The following B4GALT1 variants were observed in gnomAD, a reference collection of about 807,000 sequenced individuals.
B4GALT1 encodes beta-1,4-galactosyltransferase 1.
Under a neutral mutation model 34.9 loss-of-function variants are expected in B4GALT1, and 16 were observed. The observed-to-expected ratio is 0.46, with a 90% CI of 0.31 to 0.70. The LOEUF (loss-of-function observed/expected upper bound fraction) is 0.70. B4GALT1 is among the 30% of genes least tolerant of loss of function. The pLI, the probability that B4GALT1 is intolerant of heterozygous loss-of-function variation, is 0.05. For synonymous variants in B4GALT1, 221 were observed against 218.1 expected (o/e 1.01, Z -0.12); for missense variants, 445 against 530.5 (o/e 0.84, Z 1.58).
At position 33,120,416 on chromosome 9, in the gene B4GALT1, T is replaced by C. The variant is rs764598724; in HGVS notation, c.836+3A>G. ...CCACAGATTCTGACTGAGTATCTCT[T>C]ACCTGAATCCAAACTTATCCATTGC... On this transcript the variant is annotated splice_donor_region_variant and intron_variant, in intron 3 of 5. Coordinates refer to ENST00000379731, the MANE Select transcript of B4GALT1 (RefSeq NM_001497.4). 1 of 1,612,716 alleles carries C rather than the reference T, an allele frequency of 6.2e-7. No individual in the cohort carries two copies.
At chr9:33,107,310 G>A (rs1049243190), downstream of B4GALT1, among the ~76,000 whole-genome samples, 16 of 152,170 alleles carry the variant, frequency 1.1e-4, no homozygotes, top group Non-Finnish European at 1.3e-4. Context: ...CCAGCCCTTA[G>A]GAATGTCTGA....
intron 1 of B4GALT1, among the ~76,000 whole-genome samples, chr9:33,135,890 A>AGTGTGTGTGT (rs112875696): frequency 0.011 from 1,098 of 104,110 alleles, 22 homozygotes; most frequent in African/African-American, 0.013. Context: ...TAACTGGGGA[A>AGTGTGTGTGT]GTGTGTGTGT....
chr9:33,112,299 G>A lies in B4GALT1; in HGVS notation c.*1155C>T, dbSNP rs180823182. ...CTAGGGGCCTGAGGGGTCAGTCTAA[G>A]GAGGCTGAGGCTCCCTCCGCCCTGC... is the stretch of plus-strand genomic sequence containing the variant. On this transcript the variant is annotated 3_prime_UTR_variant, in exon 6 of 6. Coordinates refer to ENST00000379731, the MANE Select transcript of B4GALT1 (RefSeq NM_001497.4). 1 of 152,458 alleles carries A rather than the reference G, an allele frequency of 6.6e-6. No homozygotes were observed. The highest frequency in any genetic ancestry group is 1.5e-5 in the Non-Finnish European group (1 of 68,140). 9.4% of individuals were successfully genotyped at this position (152,458 alleles called of 1,614,324 possible).
At chr9:33,131,317 G>A (rs942019570) in intron 2 of B4GALT1, among the ~76,000 whole-genome samples, 2 of 152,226 alleles carry the variant, frequency 1.3e-5, no homozygotes, top group African/African-American at 4.8e-5. Flanking sequence ...TGGAGCAGAA[G>A]TTTCTACATT....
rs192081475 is a variant in B4GALT1, at chr9:33,146,963, A to G, written c.413-11539T>C. ...TGATCCACCCGCCTCAGCCTCCCAAAGTGCTGGGATTACAGGCGAGAGCCA... is the reference window on the plus strand; with the variant it reads ...TGATCCACCCGCCTCAGCCTCCCAAGGTGCTGGGATTACAGGCGAGAGCCA... On this transcript the variant is annotated intron_variant, in intron 1 of 5. Coordinates refer to ENST00000379731, the MANE Select transcript of B4GALT1 (RefSeq NM_001497.4). Among the ~76,000 whole-genome samples, 307 of 151,818 alleles carry G rather than the reference A, an allele frequency of 2.0e-3. 3 individuals are homozygous for G. The highest frequency in any genetic ancestry group is 3.5e-3 in the Middle Eastern group (1 of 288).
At chr9:33,128,765 C>T (rs568270074) in intron 2 of B4GALT1, among the ~76,000 whole-genome samples, 69 of 152,116 alleles carry the variant, frequency 4.5e-4, no homozygotes, top group African/African-American at 1.5e-3. Context: ...AAGATAGAAA[C>T]CAAACCAATG....
chr9:33,140,330 G>C (rs1564046637), intron 1 of B4GALT1, among the ~76,000 whole-genome samples: 1 of 152,214 alleles, frequency 6.6e-6, no homozygotes, highest in Non-Finnish European at 1.5e-5. Context: ...AATCACAGAA[G>C]TAAAGACCAT....
the B4GALT1 span, among the ~76,000 whole-genome samples, chr9:33,172,675 C>A: frequency 6.6e-6 from 1 of 152,180 alleles, no homozygotes; most frequent in Admixed American, 6.5e-5. Context: ...TGGCTCACGC[C>A]TTTAATCCCA....
At chr9:33,127,907 C>A (rs1428579551) in intron 2 of B4GALT1, among the ~76,000 whole-genome samples, 1 of 152,224 alleles carries the variant, frequency 6.6e-6, no homozygotes, top group Admixed American at 6.5e-5. Context: ...AGAGAGCCCA[C>A]AGAGGCCCTG....
At chr9:33,154,187 T>C (rs140246815) in intron 1 of B4GALT1, among the ~76,000 whole-genome samples, 2 of 152,276 alleles carry the variant, frequency 1.3e-5, no homozygotes, top group East Asian at 3.9e-4. Context: ...GTATGCAAGA[T>C]TAATATCTGA....
chr9:33,139,167 T>C (rs1363173818), intron 1 of B4GALT1, among the ~76,000 whole-genome samples: 2 of 152,178 alleles, frequency 1.3e-5, no homozygotes, highest in Non-Finnish European at 1.5e-5. Flanking sequence ...GTACCTACTG[T>C]GTGCCAGCCC....
intron 1 of B4GALT1, among the ~76,000 whole-genome samples, chr9:33,151,337 GC>G (rs1840515086): frequency 1.3e-5 from 2 of 152,182 alleles, no homozygotes; most frequent in Non-Finnish European, 2.9e-5. Flanking sequence ...TACTGAGTCA[GC>G]TGCCCCTCTA....
At position 33,135,283 on chromosome 9, in the gene B4GALT1, C is replaced by T. The variant is rs922314409; in HGVS notation, c.554G>A (p.Arg185His). The T allele has an allele frequency of 5.0e-6, 8 of 1,614,108 alleles. No homozygotes were observed. The highest frequency in any genetic ancestry group is 1.1e-5 in the South Asian group (1 of 91,082). The stretch of plus-strand genomic sequence containing the variant: ...GTACTTGAGGTGCTCCTGCCGGTTG[C>T]GGAATGGAATGATGATGGCCACCTT... The part of the protein sequence containing the change: ...PHKVAIIIPF[R>H]NRQEHLKYWL... The change falls in exon 2 of 6, where the codon CGC becomes CAC. Residue 185 changes from arginine (R) to histidine (H), a missense_variant. Physicochemically the swap from Arg to His is conservative, Grantham distance 29 (BLOSUM62 0). Transcript: ENST00000379731.
At chr9:33,132,054 T>C (rs1840200465) in intron 2 of B4GALT1, among the ~76,000 whole-genome samples, 1 of 151,116 alleles carries the variant, frequency 6.6e-6, no homozygotes, top group South Asian at 2.1e-4. Context: ...GCAGAAAAGA[T>C]TCTCCTAAGG....
chr9:33,173,366 T>C, the B4GALT1 span, among the ~76,000 whole-genome samples: 6 of 150,814 alleles, frequency 4.0e-5, no homozygotes, highest in African/African-American at 1.5e-4. Context: ...GATCGGGCCA[T>C]TGCACTCCAG....
chr9:33,114,990 C>T (rs1028541073), intron 4 of B4GALT1, among the ~76,000 whole-genome samples: 1 of 152,154 alleles, frequency 6.6e-6, no homozygotes, highest in African/African-American at 2.4e-5. Context: ...AGAGTGTCTG[C>T]CCAGGAGTGC....
intron 1 of B4GALT1, among the ~76,000 whole-genome samples, chr9:33,159,459 G>C (rs924288871): frequency 6.6e-6 from 1 of 152,020 alleles, no homozygotes; most frequent in Non-Finnish European, 1.5e-5. Context: ...AAATGACCCC[G>C]GCAGACAAAA....
intron 1 of B4GALT1, 33 bp from the exon 2 acceptor site, chr9:33,135,457 GCCACAGGACTCGCCACCGCT>G (rs1564044598): frequency 1.3e-6 from 2 of 1,597,548 alleles, no homozygotes; most frequent in Non-Finnish European, 1.7e-6. Flanking sequence ...AAGTTAGCAG[GCCACAGGACTCGCCACCGCT>G]CCACAGGCTG....
upstream of B4GALT1, among the ~76,000 whole-genome samples, chr9:33,169,842 A>G (rs1387604832): frequency 6.6e-6 from 1 of 150,572 alleles, no homozygotes; most frequent in East Asian, 2.0e-4. Context: ...GATTTTTTTC[A>G]GAGTGGATAT....
Sources: allele counts gnomAD v4.1 joint callset (sites outside exome capture counted in the v4.1 genomes callset), GRCh38; gene constraint gnomAD v4.1.1; transcripts MANE v1.5; gene names NCBI Gene and HGNC (gene_info 2026-07-23, HGNC 2026-07-21).